XPO7: variants seen among roughly 807,000 people sequenced by gnomAD.
XPO7 encodes the protein exportin 7.
A neutral mutation model predicts 144.3 loss-of-function variants in XPO7; 21 were observed. The observed-to-expected ratio is 0.15, with a 90% CI of 0.10 to 0.21. The LOEUF (loss-of-function observed/expected upper bound fraction) is 0.21, where lower values mean the gene tolerates loss of function less well. XPO7 is among the 10% of genes least tolerant of loss of function. XPO7 has a pLI of 1.00. For missense variants in XPO7, 808 were observed against 1,325.8 expected, an observed-to-expected ratio of 0.61 and a Z score of 6.06; for synonymous variants, 580 against 499.6, an observed-to-expected ratio of 1.16 and a Z score of -2.15.
At chr8:21,924,899 T>G (rs1417618974) in intron 1 of XPO7, among the ~76,000 whole-genome samples, 1 of 152,236 alleles carries the variant, frequency 6.6e-6, no homozygotes, top group East Asian at 1.9e-4. Flanking sequence ...GGTGACCACT[T>G]AAGCATCTAC....
chr8:21,958,498 A>G (rs967397074), intron 1 of XPO7, among the ~76,000 whole-genome samples: 2 of 152,174 alleles, frequency 1.3e-5, no homozygotes, highest in African/African-American at 2.4e-5. Context: ...CATAAGTTAC[A>G]TCACAGCCGT....
Position 21,976,456 on chromosome 8 carries a change from G to T in XPO7, c.698G>T (p.Gly233Val). Reference protein sequence around the residue: ...THNCLNFDFIGTSTDESSDDL... With the variant: ...THNCLNFDFIVTSTDESSDDL... ...AACTGCCTCAACTTTGACTTCATCG[G>T]CACTTCCACTGATGAGTCCTCAGAC... The change falls in exon 7 of 28, where the codon GGC (glycine) becomes GTC (valine). Residue 233 changes from glycine to valine, a missense_variant. Physicochemically the swap from Gly to Val is moderately radical, Grantham distance 109. Around this residue, in one of 5 missense-constraint regions of XPO7, gnomAD observed 223 missense variants for 368.8 expected, o/e 0.60. Coordinates refer to ENST00000252512, the MANE Select transcript of XPO7 (RefSeq NM_015024.5). 1.2e-6 allele frequency: 2 copies of T among 1,613,946 alleles called. No individual in the cohort carries two copies. The highest frequency in any genetic ancestry group is 1.7e-6 in the Non-Finnish European group (2 of 1,179,856).
intron 7 of XPO7, among the ~76,000 whole-genome samples, chr8:21,977,542 G>T (rs1812265687): frequency 6.6e-6 from 1 of 152,132 alleles, no homozygotes; most frequent in South Asian, 2.1e-4. Context: ...CCGAGATCTC[G>T]CCATTGCACT....
rs755581388 is a variant in XPO7, at chr8:21,974,640, T to G, written c.493-30T>G. The G allele has an allele frequency of 3.4e-6, 5 of 1,490,262 alleles. No homozygotes were observed. The Admixed American group carries it at 7.2e-5, about 22-fold the overall frequency. 92.3% of individuals were successfully genotyped at this position (1,490,262 alleles called of 1,614,324 possible). On this transcript the variant is annotated intron_variant, in intron 5 of 27. Transcript: ENST00000252512. ...AAAATTCTTTTTTTGCAATTAATTC[T>G]TTGCATTGGTTTCTTCTTTTTCTGC...
Position 22,005,179 on chromosome 8 carries a change from C to T in XPO7, c.*91C>T. The T allele has an allele frequency of 9.0e-7, 1 of 1,107,318 alleles. No individual in the cohort carries two copies. Among genetic ancestry groups the T allele is most frequent in the South Asian group, 1.7e-5 (1 of 59,132 alleles). The allele number at this position is 1,107,318 out of a possible 1,614,324, so 68.6% of individuals were successfully genotyped here. A position where few individuals can be genotyped will look rare whatever the true frequency, so the allele number is the denominator to read the frequency against. ...TGCAAGGGAGAGGGCCTGGCTGATCCTGGCTCTTTTCTCCAGGGGTGTGGG... is the reference window on the plus strand; with the variant it reads ...TGCAAGGGAGAGGGCCTGGCTGATCTTGGCTCTTTTCTCCAGGGGTGTGGG... On this transcript the variant is annotated 3_prime_UTR_variant, in exon 28 of 28. Coordinates refer to ENST00000252512, the MANE Select transcript of XPO7 (RefSeq NM_015024.5).
chr8:21,945,409 A>C (rs574597381), intron 1 of XPO7, among the ~76,000 whole-genome samples: 1 of 152,378 alleles, frequency 6.6e-6, no homozygotes, highest in East Asian at 1.9e-4. Context: ...ATACTGGAAC[A>C]GTTCTCCAAA....
At chr8:21,987,021 G>T in intron 13 of XPO7, 120 bp from the exon 14 acceptor site, 2 of 1,364,156 alleles carry the variant, frequency 1.5e-6, no homozygotes, top group South Asian at 1.4e-5. Context: ...AGATGAATTT[G>T]GTTGCAGGAG....
chr8:21,926,783 T>C (rs1194578988), intron 1 of XPO7, among the ~76,000 whole-genome samples: 1 of 152,086 alleles, frequency 6.6e-6, no homozygotes, highest in Non-Finnish European at 1.5e-5. Flanking sequence ...TGAAAAAAAA[T>C]CTAAATTTTG....
In XPO7 at chr8:21,995,036, A is replaced by G. The variant is rs535674075; in HGVS notation, c.2238-456A>G. Among the ~76,000 whole-genome samples the G allele has an allele frequency of 6.6e-5, 10 of 151,628 alleles. No individual in the cohort carries two copies. The South Asian group carries it at 1.5e-3, about 22-fold the overall frequency. On this transcript the variant is annotated intron_variant, in intron 20 of 27. Coordinates refer to ENST00000252512, the MANE Select transcript of XPO7 (RefSeq NM_015024.5). The stretch of plus-strand genomic sequence containing the variant: ...GCCACTGCACTCCAGCCTGGGCGAC[A>G]GAGCGAGACTCCATCTCAAAAAAAA...
chr8:21,960,861 C>A (rs890532695), intron 1 of XPO7, among the ~76,000 whole-genome samples: 22 of 152,166 alleles, frequency 1.4e-4, no homozygotes, highest in Non-Finnish European at 2.6e-4. Flanking sequence ...TTGATGAAAA[C>A]TTCTTTTCCA....
chr8:22,001,668 A>G (rs573238911), intron 24 of XPO7, among the ~76,000 whole-genome samples: 38 of 152,336 alleles, frequency 2.5e-4, no homozygotes, highest in African/African-American at 7.5e-4. Flanking sequence ...AGCTCCTGCA[A>G]TTACTAGCAG....
chr8:21,980,486 A>C (rs1271873387), intron 9 of XPO7, among the ~76,000 whole-genome samples: 3 of 152,116 alleles, frequency 2.0e-5, no homozygotes, highest in African/African-American at 7.2e-5. Context: ...TAAGACTCTA[A>C]CATCTCCGGG....
In XPO7 at chr8:21,987,786, G is replaced by A. The variant is rs1393931883; in HGVS notation, c.1716G>A (p.Leu572=). The A allele has an allele frequency of 3.7e-6, 6 of 1,613,738 alleles. No homozygotes were observed. The highest frequency in any genetic ancestry group is 4.2e-6 in the Non-Finnish European group (5 of 1,179,792). ...TTACTTTCTCTTCTTAACACCAGCT[G>A]TACCGCCGACTCTCAGAAGTTCTGG... ...IGDQVQKSSK[L]YRRLSEVLGL... Residue 572 remains leucine, a splice_region_variant and synonymous_variant, in exon 15 of 28, where the codon CTG becomes CTA. Coordinates refer to ENST00000252512, the MANE Select transcript of XPO7 (RefSeq NM_015024.5).
chr8:22,003,331 C>G lies in XPO7; in HGVS notation c.3042+14C>G. The stretch of plus-strand genomic sequence containing the variant: ...CTTAATGAAAAGGTGAGAGAGCCAG[C>G]TCCCTGGTGCCAACCCAGAAGCAGT... On this transcript the variant is annotated intron_variant, in intron 26 of 27. Transcript: ENST00000252512. 1 of 1,594,590 alleles carries G rather than the reference C, an allele frequency of 6.3e-7. No homozygotes were observed. The highest frequency in any genetic ancestry group is 8.6e-7 in the Non-Finnish European group (1 of 1,169,320).
At chr8:21,990,655 G>A (rs1050341613) in intron 17 of XPO7, 156 bp from the exon 18 acceptor site, 11 of 772,216 alleles carry the variant, frequency 1.4e-5, no homozygotes, top group South Asian at 3.6e-5. Context: ...TAGTGACAAC[G>A]GTAGCCTGCC....
rs1488427129 is a variant in XPO7 at position 21,990,799 on chromosome 8, T to C, written c.1933-12T>C. On this transcript the variant is annotated splice_polypyrimidine_tract_variant and intron_variant, in intron 17 of 27. Transcript: ENST00000252512. The stretch of plus-strand genomic sequence containing the variant: ...TGTTTTTACCTTTAACTTCTTTTCT[T>C]TTTTTCAATAGAGCGAGCACTTTTC... 6.2e-7 allele frequency: 1 copy of C among 1,613,716 alleles called. No homozygotes were observed. Among genetic ancestry groups the C allele is most frequent in the Non-Finnish European group, 8.5e-7 (1 of 1,179,716 alleles).
At chr8:21,967,353 G>A (rs1046612345) in intron 2 of XPO7, among the ~76,000 whole-genome samples, 1 of 151,990 alleles carries the variant, frequency 6.6e-6, no homozygotes, top group African/African-American at 2.4e-5. Flanking sequence ...TTTTTGAGAC[G>A]GAGTTTCGCT....
At chr8:21,968,831 A>C (rs913942319) in intron 2 of XPO7, among the ~76,000 whole-genome samples, 2 of 152,200 alleles carry the variant, frequency 1.3e-5, no homozygotes, top group African/African-American at 4.8e-5. Flanking sequence ...GAATGCTTTG[A>C]GTCTCCGTAA....
intron 24 of XPO7, among the ~76,000 whole-genome samples, chr8:22,000,224 G>A (rs2117403907): frequency 6.6e-6 from 1 of 152,296 alleles, no homozygotes; most frequent in Middle Eastern, 3.4e-3. Context: ...CAGATGGCTG[G>A]CACACTAGTC....
Sources: allele counts gnomAD v4.1 joint callset (sites outside exome capture counted in the v4.1 genomes callset), GRCh38; gene constraint gnomAD v4.1.1; regional missense constraint gnomAD v4.1.1; transcripts MANE v1.5; gene names NCBI Gene and HGNC (gene_info 2026-07-23, HGNC 2026-07-21).